The following NTM variants were observed in gnomAD, a reference collection of about 807,000 sequenced individuals.
NTM encodes neurotrimin.
In NTM, 13 loss-of-function variants were observed where a neutral mutation model predicts 42.1. That is an observed-to-expected ratio of 0.31 (90% CI 0.20 to 0.49). The LOEUF (loss-of-function observed/expected upper bound fraction) is 0.49. Among genes scored for constraint, NTM ranks in the 20% least tolerant of loss-of-function variants. NTM has a pLI of 0.99. For synonymous variants in NTM, 187 were observed against 179.2 expected (o/e 1.04, Z -0.35); for missense variants, 373 against 452.8 (o/e 0.82, Z 1.60).
chr11:131,433,576 G>C (rs753554278), intron 1 of NTM, among the ~76,000 whole-genome samples: 3 of 152,166 alleles, frequency 2.0e-5, no homozygotes, highest in Non-Finnish European at 2.9e-5. Flanking sequence ...CTTCACACAT[G>C]ACTGTTAGTT....
At position 131,598,685 on chromosome 11, in the gene NTM, T is replaced by TTCTTTTCTTTCTTTC. The variant is rs2060036329; in HGVS notation, c.82+227802_82+227803insTCTTTCTTTCTCTTT. ...AACTACTACTCTCTTCTCATTTGTTTTCTTTCTTTCTTTCTTTCTTTCTTT... is the reference window on the plus strand; with the variant it reads ...AACTACTACTCTCTTCTCATTTGTTTTCTTTTCTTTCTTTCTCTTTCTTTCTTTCTTTCTTTCTTT... On this transcript the variant is annotated intron_variant, in intron 1 of 8. Coordinates refer to ENST00000683400, the MANE Select transcript of NTM (RefSeq NM_001352005.2). 1.3e-4 allele frequency among the ~76,000 whole-genome samples: 3 copies of TTCTTTTCTTTCTTTC among 23,180 alleles called. No individual in the cohort carries two copies. In the Admixed American group the frequency reaches 1.6e-3, roughly 12 times the overall value. The allele number at this position is 23,180 out of a possible 152,430, so 15.2% of individuals were successfully genotyped here. A position where few individuals can be genotyped will look rare whatever the true frequency, so the allele number is the denominator to read the frequency against.
At chr11:131,472,079 G>A (rs1181554434) in intron 1 of NTM, among the ~76,000 whole-genome samples, 4 of 152,170 alleles carry the variant, frequency 2.6e-5, no homozygotes, top group Non-Finnish European at 2.9e-5. Flanking sequence ...CAGTCAGAAT[G>A]CTGTTGTATA....
chr11:131,714,975 C>T (rs928332297), intron 1 of NTM, among the ~76,000 whole-genome samples: 2 of 152,200 alleles, frequency 1.3e-5, no homozygotes, highest in Non-Finnish European at 2.9e-5. Context: ...GTCATACAGT[C>T]ACACTTGCTT....
At chr11:131,468,454 A>G (rs1952102516) in intron 1 of NTM, among the ~76,000 whole-genome samples, 1 of 152,160 alleles carries the variant, frequency 6.6e-6, no homozygotes, top group Non-Finnish European at 1.5e-5. Context: ...TTATTTATCA[A>G]TTCCCTTACC....
intron 2 of NTM, among the ~76,000 whole-genome samples, chr11:131,924,638 T>C (rs1262277409): frequency 7.2e-6 from 1 of 138,248 alleles, no homozygotes; most frequent in Non-Finnish European, 1.6e-5. Flanking sequence ...CAAAATTACC[T>C]TGGAAACCTG....
intron 1 of NTM, among the ~76,000 whole-genome samples, chr11:131,659,159 C>G (rs2067618674): frequency 6.6e-6 from 1 of 152,206 alleles, no homozygotes; most frequent in African/African-American, 2.4e-5. Context: ...AGACCACAGT[C>G]AAAACCACAC....
chr11:132,296,724 G>T (rs2094624948), intron 4 of NTM, among the ~76,000 whole-genome samples: 1 of 152,146 alleles, frequency 6.6e-6, no homozygotes, highest in East Asian at 1.9e-4. Context: ...GTAGTAGTGT[G>T]CCCAGTGAAA....
Position 131,849,849 on chromosome 11 carries a change from A to T in NTM, c.83-61715A>T, listed in dbSNP as rs1363742171. Among the ~76,000 whole-genome samples, 3 of 151,254 alleles carry T rather than the reference A, an allele frequency of 2.0e-5. No homozygotes were observed. The East Asian group carries it at 5.9e-4, about 30-fold the overall frequency. On this transcript the variant is annotated intron_variant, in intron 1 of 8. Coordinates refer to ENST00000683400, the MANE Select transcript of NTM (RefSeq NM_001352005.2). ...GGTGGGGGGCGGGGGGAGGGATAGC[A>T]TTAGGAGATATACCTAATGCTAAAT...
rs185521958 is a variant in NTM at position 131,989,619 on chromosome 11, G to T, written c.167+77971G>T. On this transcript the variant is annotated intron_variant, in intron 2 of 8. Coordinates refer to ENST00000683400, the MANE Select transcript of NTM (RefSeq NM_001352005.2). The stretch of plus-strand genomic sequence containing the variant: ...AGTTAAGGGGTTCTAATGTGTATCA[G>T]TCAGATTGGCTAAATTATACTGCAA... 4.1e-3 allele frequency among the ~76,000 whole-genome samples: 617 copies of T among 152,158 alleles called. 4 individuals are homozygous for T. Among genetic ancestry groups the T allele is most frequent in the Admixed American group, 8.2e-3 (125 of 15,278 alleles).
chr11:131,884,284 C>A (rs1289570748), intron 1 of NTM, among the ~76,000 whole-genome samples: 2 of 152,082 alleles, frequency 1.3e-5, no homozygotes, highest in African/African-American at 4.8e-5. Context: ...TGGTGCATGC[C>A]TGTAATCCCA....
At chr11:131,939,523 A>G (rs889564663) in intron 2 of NTM, among the ~76,000 whole-genome samples, 51 of 152,254 alleles carry the variant, frequency 3.3e-4, no homozygotes, top group African/African-American at 1.2e-3. Flanking sequence ...ATGACTGCAT[A>G]CAGATGAGAA....
At chr11:131,418,524 G>C (rs1278495639) in intron 1 of NTM, among the ~76,000 whole-genome samples, 1 of 152,194 alleles carries the variant, frequency 6.6e-6, no homozygotes, top group Non-Finnish European at 1.5e-5. Flanking sequence ...ATTGACAGCA[G>C]GTAGAGAGGG....
chr11:131,474,897 A>T (rs978466155), intron 1 of NTM, among the ~76,000 whole-genome samples: 1 of 152,194 alleles, frequency 6.6e-6, no homozygotes, highest in Non-Finnish European at 1.5e-5. Context: ...GACCAGACAA[A>T]GTCCAAGCTG....
chr11:131,385,639 GCCCAAGAGTT>G (rs1429947603), intron 1 of NTM, among the ~76,000 whole-genome samples: 1 of 152,038 alleles, frequency 6.6e-6, no homozygotes, highest in East Asian at 1.9e-4. Flanking sequence ...GATTGCTTAA[GCCCAAGAGTT>G]CATGACCAGC....
At position 131,839,213 on chromosome 11, in the gene NTM, C is replaced by T. The variant is rs527991515; in HGVS notation, c.83-72351C>T. Among the ~76,000 whole-genome samples, 8 of 150,162 alleles carry T rather than the reference C, an allele frequency of 5.3e-5. No individual in the cohort carries two copies. In the South Asian group the frequency reaches 6.2e-4, roughly 12 times the overall value. ...CTGACCTCAGGTGATCCGCCCGCCT[C>T]GGCCTCCCAAAGTGCCGGAATTACA... On this transcript the variant is annotated intron_variant, in intron 1 of 8. Coordinates refer to ENST00000683400, the MANE Select transcript of NTM (RefSeq NM_001352005.2).
intron 6 of NTM, among the ~76,000 whole-genome samples, chr11:132,311,399 T>A (rs1289491999): frequency 1.3e-5 from 2 of 152,198 alleles, no homozygotes; most frequent in Admixed American, 1.3e-4. Flanking sequence ...TGAGATGTAT[T>A]ATATTCATGT....
chr11:132,137,740 G>T (rs971527953), intron 2 of NTM, among the ~76,000 whole-genome samples: 1 of 152,114 alleles, frequency 6.6e-6, no homozygotes, highest in African/African-American at 2.4e-5. Context: ...CTTTGATGGA[G>T]GGATATAGAC....
chr11:132,218,225 G>T (rs990240166), intron 4 of NTM, among the ~76,000 whole-genome samples: 1 of 152,114 alleles, frequency 6.6e-6, no homozygotes, highest in African/African-American at 2.4e-5. Flanking sequence ...TGGAACTAAA[G>T]ATATCACCTT....
chr11:131,498,387 C>T (rs904304707), intron 1 of NTM, among the ~76,000 whole-genome samples: 1 of 152,180 alleles, frequency 6.6e-6, no homozygotes, highest in Non-Finnish European at 1.5e-5. Context: ...TTATTGAATG[C>T]TTATTAACAT....
Sources: allele counts gnomAD v4.1 joint callset (sites outside exome capture counted in the v4.1 genomes callset), GRCh38; gene constraint gnomAD v4.1.1; transcripts MANE v1.5; gene names NCBI Gene and HGNC (gene_info 2026-07-23, HGNC 2026-07-21).